Variants in SPAG17 observed in about 807,000 individuals in gnomAD.
SPAG17 encodes the protein sperm associated antigen 17, also known as sperm-associated antigen 17.
In SPAG17, 169 loss-of-function variants were observed where a neutral mutation model predicts 273.6. The ratio of observed to expected loss-of-function variants is 0.62; its 90% CI spans 0.55 to 0.70. The LOEUF (loss-of-function observed/expected upper bound fraction) is 0.70, where lower values mean the gene tolerates loss of function less well. SPAG17 is among the 30% of genes least tolerant of loss of function. The pLI is 0.00. For synonymous variants in SPAG17, 825 were observed against 873.2 expected (o/e 0.94, Z 0.97); for missense variants, 2,557 against 2,627.8 (o/e 0.97, Z 0.59).
At chr1:118,051,825 A>G (rs1651059442) in intron 20 of SPAG17, among the ~76,000 whole-genome samples, 1 of 139,054 alleles carries the variant, frequency 7.2e-6, no homozygotes, top group African/African-American at 2.6e-5. Flanking sequence ...TAATATATGA[A>G]CTATTATAAT....
chr1:117,981,252 T>TA lies in SPAG17; in HGVS notation c.6004+17dup. 6.5e-7 allele frequency: 1 copy of TA among 1,549,404 alleles called. No homozygotes were observed. Among genetic ancestry groups the TA allele is most frequent in the South Asian group, 1.2e-5 (1 of 80,772 alleles). On this transcript the variant is annotated intron_variant, in intron 43 of 48. Transcript: ENST00000336338. ...TGTTCAGTTTCAAGAAGCAATAAGATAAAAAAGACTGCCATACCTTCAGGA... is the reference window on the plus strand; with the variant it reads ...TGTTCAGTTTCAAGAAGCAATAAGATAAAAAAAGACTGCCATACCTTCAGGA...
At chr1:118,133,369 G>GT (rs1003404509) in intron 3 of SPAG17, among the ~76,000 whole-genome samples, 1 of 152,056 alleles carries the variant, frequency 6.6e-6, no homozygotes, top group African/African-American at 2.4e-5. Context: ...GCAAGTGGAC[G>GT]TAAGTGTGGC....
chr1:118,058,167 A>G (rs1651900041), intron 18 of SPAG17, among the ~76,000 whole-genome samples: 1 of 152,186 alleles, frequency 6.6e-6, no homozygotes, highest in East Asian at 1.9e-4. Context: ...AAATCCTTTA[A>G]AAGACATAGG....
At position 117,992,482 on chromosome 1, in the gene SPAG17, A is replaced by T; in HGVS notation, c.5345T>A (p.Leu1782Gln). The change falls in exon 36 of 49, where the codon CTG becomes CAG. Residue 1782 changes from leucine (L) to glutamine (Q), a missense_variant. Coordinates refer to ENST00000336338, the MANE Select transcript of SPAG17 (RefSeq NM_206996.4). Reference sequence around the variant, plus strand: ...TTCCATTACCTTAAGGGAAACCTGCAGCCTCAGTTTCACCTCATTCTTTAT... The same window carrying T: ...TTCCATTACCTTAAGGGAAACCTGCTGCCTCAGTTTCACCTCATTCTTTAT... ...EVIKNEVKLR[L>Q]QVSLKDYINY... 6.2e-7 allele frequency: 1 copy of T among 1,609,906 alleles called. No homozygotes were observed. Among genetic ancestry groups the T allele is most frequent in the Non-Finnish European group, 8.5e-7 (1 of 1,178,636 alleles).
chr1:117,957,008 T>C lies in SPAG17; in HGVS notation c.*1-2959A>G, dbSNP rs74114932. On this transcript the variant is annotated intron_variant, in intron 48 of 48. Coordinates refer to ENST00000336338, the MANE Select transcript of SPAG17 (RefSeq NM_206996.4). ...AATAATAAAGGGAAGGATTTAAAAA[T>C]TGACCATGTTAACAACGTTAACAAA... 5.3e-3 allele frequency: 7,453 copies of C among 1,410,208 alleles called. 272 individuals are homozygous for C. The African/African-American group carries it at 0.088, about 17-fold the overall frequency. 87.4% of individuals were successfully genotyped at this position (1,410,208 alleles called of 1,614,324 possible).
At chr1:118,161,742 AG>A (rs1026122764) in intron 1 of SPAG17, among the ~76,000 whole-genome samples, 11 of 152,156 alleles carry the variant, frequency 7.2e-5, no homozygotes, top group African/African-American at 2.4e-4. Context: ...TCACCGTGTT[AG>A]CCAGGATGGT....
chr1:117,997,849 C>T (rs2101687572), intron 32 of SPAG17, among the ~76,000 whole-genome samples: 1 of 152,126 alleles, frequency 6.6e-6, no homozygotes, highest in Non-Finnish European at 1.5e-5. Context: ...TTTCAAAAAC[C>T]ATTTACGCAT....
At chr1:117,980,472 T>C (rs1473483991) in intron 43 of SPAG17, among the ~76,000 whole-genome samples, 1 of 152,192 alleles carries the variant, frequency 6.6e-6, no homozygotes, top group Non-Finnish European at 1.5e-5. Context: ...CCTCAAGTGA[T>C]CTGCCCACCT....
intron 18 of SPAG17, 25 bp from the exon 19 acceptor site, chr1:118,055,939 A>G (rs1199976401): frequency 1.3e-6 from 2 of 1,573,014 alleles, no homozygotes; most frequent in Non-Finnish European, 1.7e-6. Context: ...AGCAGACGTC[A>G]ATTGAGTTAC....
rs767565781 is a variant in SPAG17 at position 118,150,615 on chromosome 1, A to G, written c.243T>C (p.Asn81=). 3 of 1,537,186 alleles carry G rather than the reference A, an allele frequency of 2.0e-6. No homozygotes were observed. The highest frequency in any genetic ancestry group is 2.7e-6 in the Non-Finnish European group (3 of 1,121,750). Reference sequence around the variant, plus strand: ...TAGATGAAGCAGATCCAACAAGTGTATTTATTTCATTAATCTGTAAGAAAA... The same window carrying G: ...TAGATGAAGCAGATCCAACAAGTGTGTTTATTTCATTAATCTGTAAGAAAA... The part of the protein sequence containing the change: ...QDILQQINEI[N]TLVGSASSKK... Residue 81 remains asparagine (N), a synonymous_variant, in exon 3 of 49, where the codon AAT becomes AAC. Coordinates refer to ENST00000336338, the MANE Select transcript of SPAG17 (RefSeq NM_206996.4).
chr1:117,954,492 T>G, intron 48 of SPAG17: 1 of 1,333,674 alleles, frequency 7.5e-7, no homozygotes, highest in East Asian at 2.3e-5. Context: ...CTTTTCAAAA[T>G]TATAAAATAC....
At chr1:118,105,280 G>GT (rs374649117) in intron 4 of SPAG17, among the ~76,000 whole-genome samples, 84 of 152,322 alleles carry the variant, frequency 5.5e-4, no homozygotes, top group African/African-American at 1.9e-3. Context: ...ATGTCAGAGA[G>GT]TGGGGGAGCA....
At position 118,025,296 on chromosome 1, in the gene SPAG17, G is replaced by A. The variant is rs753828102; in HGVS notation, c.3851C>T (p.Ser1284Leu). The change falls in exon 27 of 49, where the codon TCA becomes TTA. Residue 1284 changes from serine to leucine, a missense_variant. Physicochemically the swap from Ser to Leu is moderately radical, Grantham distance 145 (BLOSUM62 -2). Transcript: ENST00000336338. ...AGTGCCTTGACTGGTGATAACCCTT[G>A]AAGCCTCCTGCTCTGCGGGTGGCAT... ...TVMPPAEQEA[S>L]RVITSQGTVV... The A allele has an allele frequency of 4.3e-6, 7 of 1,613,704 alleles. No homozygotes were observed. The highest frequency in any genetic ancestry group is 5.9e-6 in the Non-Finnish European group (7 of 1,179,814).
At chr1:117,978,213 T>A (rs1341022161) in intron 43 of SPAG17, among the ~76,000 whole-genome samples, 3 of 152,228 alleles carry the variant, frequency 2.0e-5, no homozygotes, top group African/African-American at 7.2e-5. Context: ...CTGGAATAGA[T>A]CTGATGCTCT....
chr1:118,102,619 GC>G (rs1224930829), intron 4 of SPAG17, among the ~76,000 whole-genome samples: 2 of 152,162 alleles, frequency 1.3e-5, no homozygotes, highest in African/African-American at 2.4e-5. Flanking sequence ...ATGCTCTGGG[GC>G]ATGCTTAGAT....
intron 38 of SPAG17, 127 bp downstream of exon 38, chr1:117,990,734 C>T (rs775718570): frequency 6.2e-5 from 35 of 566,670 alleles, no homozygotes; most frequent in East Asian, 1.9e-4. Flanking sequence ...ACAACATGGC[C>T]GATACAAGAA....
At position 117,966,911 on chromosome 1, in the gene SPAG17, G is replaced by A. The variant is rs550670480; in HGVS notation, c.6388-158C>T. ...ATGGTAGTTATTATAAGCATTTAGC[G>A]GAATTACTTCATAATGAAGGTAGAA... On this transcript the variant is annotated intron_variant, in intron 46 of 48. Transcript: ENST00000336338. 3.9e-5 allele frequency among the ~76,000 whole-genome samples: 6 copies of A among 152,202 alleles called. No individual in the cohort carries two copies. The East Asian group carries it at 9.7e-4, about 25-fold the overall frequency.
At chr1:118,164,570 C>T (rs569031056) in intron 1 of SPAG17, among the ~76,000 whole-genome samples, 2 of 152,286 alleles carry the variant, frequency 1.3e-5, no homozygotes, top group East Asian at 3.9e-4. Flanking sequence ...CTACCTATAA[C>T]CACTTTGAAT....
chr1:118,099,479 A>G (rs1655920916), intron 6 of SPAG17, 127 bp downstream of exon 6: 1 of 1,015,504 alleles, frequency 9.8e-7, no homozygotes, highest in Non-Finnish European at 1.5e-6. Context: ...ATGGCAAATC[A>G]AAGTCTTGAA....
Sources: allele counts gnomAD v4.1 joint callset (sites outside exome capture counted in the v4.1 genomes callset), GRCh38; gene constraint gnomAD v4.1.1; transcripts MANE v1.5; gene names NCBI Gene and HGNC (gene_info 2026-07-23, HGNC 2026-07-21).